Variants in REPS2 observed in about 807,000 individuals in gnomAD.
REPS2 encodes the protein RALBP1 associated Eps domain containing 2.
REPS2 carries 23 observed loss-of-function variants against 53.6 expected under a neutral mutation model. The observed-to-expected ratio is 0.43, with a 90% confidence interval of 0.31 to 0.61. REPS2 has a LOEUF of 0.61. Among genes scored for constraint, REPS2 ranks in the 20% least tolerant of loss-of-function variants. REPS2 has a pLI of 0.11. For missense variants in REPS2, 446 were observed against 534.9 expected, an observed-to-expected ratio of 0.83 and a Z score of 1.64; for synonymous variants, 238 against 218.6, an observed-to-expected ratio of 1.09 and a Z score of -0.78.
chrX:16,973,204 G>C (rs1240768209), intron 1 of REPS2, among the ~76,000 whole-genome samples: 1 of 112,066 alleles, frequency 8.9e-6, no homozygotes, highest in Non-Finnish European at 1.9e-5. Context: ...AGGAGTTCAT[G>C]ATGTTGATGT....
chrX:16,966,728 ACTG>A (rs753511397), intron 1 of REPS2, among the ~76,000 whole-genome samples: 58 of 112,275 alleles, frequency 5.2e-4, no homozygotes, highest in Non-Finnish European at 8.4e-4. Context: ...GCACGGTACT[ACTG>A]CAGAGATGGA....
chrX:17,060,434 G>A (rs1392674932), intron 8 of REPS2, among the ~76,000 whole-genome samples: 2 of 111,949 alleles, frequency 1.8e-5, no homozygotes, highest in African/African-American at 6.5e-5. Context: ...TGCGTGAGAG[G>A]TACCACATTG....
chrX:16,989,070 G>T (rs1213089766), intron 1 of REPS2, among the ~76,000 whole-genome samples: 1 of 111,555 alleles, frequency 9.0e-6, no homozygotes, highest in African/African-American at 3.3e-5. Flanking sequence ...CAGTAATCAA[G>T]ACTGTGTGAT....
At chrX:16,949,380 A>G (rs1280060317) in intron 1 of REPS2, among the ~76,000 whole-genome samples, 1 of 112,136 alleles carries the variant, frequency 8.9e-6, no homozygotes, top group Non-Finnish European at 1.9e-5. Flanking sequence ...TCTTACCACA[A>G]GTAAATGGTC....
intron 14 of REPS2, among the ~76,000 whole-genome samples, chrX:17,133,187 G>A (rs1157971420): frequency 1.8e-5 from 2 of 110,426 alleles, no homozygotes; most frequent in East Asian, 2.8e-4. Context: ...CTTGGGCTTC[G>A]GAGGAGCAGG....
rs1460102056 is a variant in REPS2 at position 16,965,486 on chromosome X, G to A, written c.273+18352G>A. 1.7e-4 allele frequency among the ~76,000 whole-genome samples: 19 copies of A among 109,529 alleles called. No homozygotes were observed. The East Asian group carries it at 4.8e-3, about 27-fold the overall frequency. On this transcript the variant is annotated intron_variant, in intron 1 of 17. Coordinates refer to ENST00000357277, the MANE Select transcript of REPS2 (RefSeq NM_004726.3). ...TTCTCAGACGGGGCAGCTGCCGGGC[G>A]GAGGGGCTCCTCACTTCTCAGACGG...
At chrX:17,124,819 A>G in intron 14 of REPS2, among the ~76,000 whole-genome samples, 1 of 104,308 alleles carries the variant, frequency 9.6e-6, no homozygotes, top group East Asian at 3.0e-4. Flanking sequence ...AAAGTTACCT[A>G]TTATCCACAC....
intron 14 of REPS2, among the ~76,000 whole-genome samples, chrX:17,119,078 A>G (rs2063103766): frequency 8.9e-6 from 1 of 112,471 alleles, no homozygotes; most frequent in Non-Finnish European, 1.9e-5. Flanking sequence ...TTTAAGCCTC[A>G]CAACAACCAC....
chrX:17,169,773 C>G, the REPS2 span, among the ~76,000 whole-genome samples: 1 of 112,384 alleles, frequency 8.9e-6, no homozygotes, highest in Admixed American at 9.4e-5. Flanking sequence ...AGTTTTTTGC[C>G]AGGGAGGGTC....
At chrX:16,962,207 C>T (rs958585507) in intron 1 of REPS2, among the ~76,000 whole-genome samples, 2 of 108,266 alleles carry the variant, frequency 1.8e-5, no homozygotes, top group Admixed American at 1.0e-4. Context: ...CAGCATTATT[C>T]GCAATAGCCA....
Position 17,071,455 on chromosome X carries a change from C to G in REPS2, c.1333+1462C>G, listed in dbSNP as rs139156907. On this transcript the variant is annotated intron_variant, in intron 11 of 17. Coordinates refer to ENST00000357277, the MANE Select transcript of REPS2 (RefSeq NM_004726.3). ...CTCATTTTTAACATTCCTTCATTGA[C>G]TAGGACATGGCATCACCAAATAAAA... 1.4e-4 allele frequency among the ~76,000 whole-genome samples: 15 copies of G among 109,098 alleles called. No individual in the cohort carries two copies. In the East Asian group the frequency reaches 4.0e-3, roughly 29 times the overall value. 94.7% of individuals were successfully genotyped at this position (109,098 alleles called of 115,157 possible).
intron 1 of REPS2, among the ~76,000 whole-genome samples, chrX:17,001,104 C>A (rs1353256089): frequency 8.9e-6 from 1 of 112,045 alleles, no homozygotes; most frequent in Non-Finnish European, 1.9e-5. Context: ...AATATTACCC[C>A]CATCTTTGTG....
chrX:17,082,929 A>G (rs1054268052), intron 13 of REPS2, among the ~76,000 whole-genome samples: 13 of 111,293 alleles, frequency 1.2e-4, no homozygotes, highest in Non-Finnish European at 2.3e-4. Flanking sequence ...TTTAGCTGCA[A>G]TGATGGTATC....
At chrX:17,139,466 G>A (rs769997530) in intron 17 of REPS2, among the ~76,000 whole-genome samples, 10 of 110,572 alleles carry the variant, frequency 9.0e-5, no homozygotes, top group East Asian at 8.5e-4. Flanking sequence ...CTTGCAAATG[G>A]TTCCATTTCA....
chrX:16,946,978 C>G lies in REPS2; in HGVS notation c.117C>G (p.Ser39=). Residue 39 remains serine, a synonymous_variant, in exon 1 of 18, where the codon TCC becomes TCG. Coordinates refer to ENST00000357277, the MANE Select transcript of REPS2 (RefSeq NM_004726.3). Reference sequence around the variant, plus strand: ...GCGAGGGCGAGCAGCAGTGCTACTCCGAGCTCTTCGCGCGCTGTGCCGGCG... The same window carrying G: ...GCGAGGGCGAGCAGCAGTGCTACTCGGAGCTCTTCGCGCGCTGTGCCGGCG... ...LLSEGEQQCY[S]ELFARCAGAA... 8.7e-6 allele frequency: 8 copies of G among 922,962 alleles called. No homozygotes were observed. The highest frequency in any genetic ancestry group is 1.1e-5 in the Non-Finnish European group (8 of 747,956). 76.1% of individuals were successfully genotyped at this position (922,962 alleles called of 1,213,427 possible).
chrX:17,100,164 A>T, intron 13 of REPS2: 2 of 637,490 alleles, frequency 3.1e-6, no homozygotes, highest in East Asian at 3.2e-5. Flanking sequence ...TCTGACTCCC[A>T]TGTGTTGTCC....
At position 17,065,538 on chromosome X, in the gene REPS2, G is replaced by A. The variant is rs762823726; in HGVS notation, c.1210-2864G>A. On this transcript the variant is annotated intron_variant, in intron 9 of 17. Transcript: ENST00000357277. ...AAACCATTGCCTAATATTAAATCACGAAGATGTACTTCCATGTTTTCTTCT... is the reference window on the plus strand; with the variant it reads ...AAACCATTGCCTAATATTAAATCACAAAGATGTACTTCCATGTTTTCTTCT... 1.2e-4 allele frequency among the ~76,000 whole-genome samples: 13 copies of A among 112,128 alleles called. No homozygotes were observed. The East Asian group carries it at 3.1e-3, about 26-fold the overall frequency.
chrX:16,984,432 C>G (rs2061065521), intron 1 of REPS2, among the ~76,000 whole-genome samples: 1 of 111,926 alleles, frequency 8.9e-6, no homozygotes, highest in African/African-American at 3.3e-5. Flanking sequence ...CTGCTCTTTT[C>G]TATTGGTCAC....
At chrX:17,030,619 G>C (rs920367507) in intron 5 of REPS2, among the ~76,000 whole-genome samples, 1 of 111,933 alleles carries the variant, frequency 8.9e-6, no homozygotes, top group Non-Finnish European at 1.9e-5. Context: ...TCTAAGGTGG[G>C]ACTCTGTGTA....
Sources: gnomAD v4.1 joint callset for allele counts (sites outside exome capture counted in the v4.1 genomes callset) on GRCh38, gnomAD v4.1.1 for gene constraint, MANE v1.5 for transcripts, NCBI Gene and HGNC (gene_info 2026-07-23, HGNC 2026-07-21) for gene names.